USP50: variants seen among roughly 807,000 people sequenced by gnomAD.
USP50 encodes ubiquitin carboxyl-terminal hydrolase 50.
USP50 carries 37 observed loss-of-function variants against 39.2 expected under a neutral mutation model. The observed-to-expected ratio is 0.94, with a 90% CI of 0.73 to 1.24. The LOEUF (loss-of-function observed/expected upper bound fraction) is 1.24, where lower values mean the gene tolerates loss of function less well. Among genes scored for constraint, USP50 ranks in the 50% most tolerant of loss-of-function variants. The pLI, the probability that USP50 is intolerant of heterozygous loss-of-function variation, is 0.00. For synonymous variants in USP50, 139 were observed against 144.5 expected, an observed-to-expected ratio of 0.96 and a Z score of 0.27; for missense variants, 374 against 398.2, an observed-to-expected ratio of 0.94 and a Z score of 0.52.
intron 6 of USP50, among the ~76,000 whole-genome samples, chr15:50,516,596 G>A (rs1596009727): frequency 1.3e-5 from 2 of 152,066 alleles, no homozygotes; most frequent in South Asian, 4.1e-4. Flanking sequence ...CAGCCTGGGC[G>A]ACAGAGTGAG....
At chr15:50,541,658 T>C (rs1285507999) in intron 3 of USP50, among the ~76,000 whole-genome samples, 1 of 152,212 alleles carries the variant, frequency 6.6e-6, no homozygotes, top group Admixed American at 6.5e-5. Flanking sequence ...TGATTTCTGA[T>C]AATTCAGATA....
intron 1 of USP50, 99 bp downstream of exon 1, chr15:50,546,374 G>A: frequency 7.6e-7 from 1 of 1,321,556 alleles, no homozygotes; most frequent in Non-Finnish European, 1.1e-6. Context: ...TCACACCTGG[G>A]AGAACCCTCC....
At chr15:50,496,954 G>T (rs2052437667), downstream of USP50, 1 of 1,137,868 alleles carries the variant, frequency 8.8e-7, no homozygotes, top group East Asian at 2.5e-5. Context: ...CACAAGCTTT[G>T]GGAAGGCAGG....
At chr15:50,493,166 C>G (rs1033024656), downstream of USP50, 24 of 567,566 alleles carry the variant, frequency 4.2e-5, no homozygotes, top group African/African-American at 2.0e-4. Flanking sequence ...CTCGTCCTGT[C>G]GAGCCCTAAA....
At chr15:50,506,002 TAC>T (rs1482540675) in intron 6 of USP50, 1 of 152,354 alleles carries the variant, frequency 6.6e-6, no homozygotes, top group South Asian at 2.1e-4. Context: ...TGATCAGAAT[TAC>T]AGTGTTCTAA....
chr15:50,523,175 C>CTTTTTTTTTTT (rs57450027), intron 6 of USP50, among the ~76,000 whole-genome samples: 10,630 of 103,618 alleles, frequency 0.1, 1,178 homozygotes, highest in Admixed American at 0.13. Flanking sequence ...AAATCAGTAG[C>CTTTTTTTTTTT]TTTTTTTTTT....
intron 6 of USP50, among the ~76,000 whole-genome samples, chr15:50,524,092 G>T (rs549328430): frequency 2.0e-5 from 3 of 152,314 alleles, no homozygotes; most frequent in African/African-American, 7.2e-5. Flanking sequence ...AAGAATGAAA[G>T]TGGATCCTTA....
chr15:50,505,594 G>A (rs1321151214), intron 6 of USP50: 1 of 152,176 alleles, frequency 6.6e-6, no homozygotes, highest in Non-Finnish European at 1.5e-5. Flanking sequence ...GACTGATGAA[G>A]ATCCGGGCAA....
intron 5 of USP50, among the ~76,000 whole-genome samples, chr15:50,530,360 A>G (rs2052930639): frequency 6.6e-6 from 1 of 152,014 alleles, no homozygotes; most frequent in Non-Finnish European, 1.5e-5. Context: ...AGGCGGGTGG[A>G]TCACTTGAGG....
At chr15:50,525,882 T>C (rs1293501718) in intron 6 of USP50, among the ~76,000 whole-genome samples, 2 of 151,762 alleles carry the variant, frequency 1.3e-5, no homozygotes, top group African/African-American at 2.4e-5. Flanking sequence ...AAAACAGCTA[T>C]AGAAGAATAA....
chr15:50,519,964 G>A (rs2052835560), intron 6 of USP50, among the ~76,000 whole-genome samples: 1 of 151,932 alleles, frequency 6.6e-6, no homozygotes, highest in African/African-American at 2.4e-5. Flanking sequence ...TCATATCCAA[G>A]GGATACCTGC....
chr15:50,497,050 C>T (rs781550641), downstream of USP50: 18 of 1,562,994 alleles, frequency 1.2e-5, no homozygotes, highest in Admixed American at 4.0e-5. Context: ...ATTGAAGAAT[C>T]GAATTAACGA....
At chr15:50,534,448 G>C (rs1048988192) in intron 5 of USP50, among the ~76,000 whole-genome samples, 3 of 152,036 alleles carry the variant, frequency 2.0e-5, no homozygotes, top group Non-Finnish European at 4.4e-5. Flanking sequence ...ATAAAAACAG[G>C]AACACCAAGA....
intron 6 of USP50, among the ~76,000 whole-genome samples, chr15:50,524,762 T>C (rs1025780082): frequency 1.3e-5 from 2 of 152,162 alleles, no homozygotes; most frequent in Non-Finnish European, 2.9e-5. Context: ...TAGTCTCAGA[T>C]ACTTGGGAGG....
At chr15:50,526,340 G>A (rs771596328) in intron 6 of USP50, among the ~76,000 whole-genome samples, 1 of 152,092 alleles carries the variant, frequency 6.6e-6, no homozygotes, top group Non-Finnish European at 1.5e-5. Context: ...GACTACAGGC[G>A]TGAGCCACTG....
chr15:50,499,731 G>A (rs1214593706), downstream of USP50: 2 of 151,750 alleles, frequency 1.3e-5, no homozygotes, highest in African/African-American at 2.4e-5. Context: ...TTTTTAAAAC[G>A]AGAATTTCAT....
chr15:50,522,443 G>A (rs1161354782), intron 6 of USP50, among the ~76,000 whole-genome samples: 1 of 152,124 alleles, frequency 6.6e-6, no homozygotes, highest in Non-Finnish European at 1.5e-5. Context: ...CTACTTCACA[G>A]CTGAATTCTA....
At chr15:50,519,438 G>C (rs554194539) in intron 6 of USP50, among the ~76,000 whole-genome samples, 1 of 152,082 alleles carries the variant, frequency 6.6e-6, no homozygotes, top group African/African-American at 2.4e-5. Context: ...CCTGAGGCCG[G>C]GTGCGGTGGC....
intron 1 of USP50, among the ~76,000 whole-genome samples, chr15:50,545,760 G>C (rs2053066546): frequency 6.6e-6 from 1 of 151,834 alleles, no homozygotes. Flanking sequence ...ATAGATCTTA[G>C]TTTAAATCCC....
Sources: allele counts gnomAD v4.1 joint callset (sites outside exome capture counted in the v4.1 genomes callset), GRCh38; gene constraint gnomAD v4.1.1; transcripts MANE v1.5; gene names NCBI Gene and HGNC (gene_info 2026-07-23, HGNC 2026-07-21).